CXCR5: variants seen among roughly 807,000 people sequenced by gnomAD.
CXCR5 encodes C-X-C motif chemokine receptor 5.
A neutral mutation model predicts 5.6 loss-of-function variants in CXCR5; 3 were observed. The observed-to-expected ratio is 0.54, with a 90% CI of 0.24 to 1.39. The LOEUF is 1.39. CXCR5 is among the 40% of genes most tolerant of loss of function. The pLI is 0.16. For synonymous variants in CXCR5, 218 were observed against 219.9 expected (o/e 0.99, Z 0.08); for missense variants, 333 against 494.6 (o/e 0.67, Z 3.10).
At chr11:118,885,194 G>A (rs1412490199) in intron 1 of CXCR5, among the ~76,000 whole-genome samples, 2 of 152,178 alleles carry the variant, frequency 1.3e-5, no homozygotes, top group African/African-American at 4.8e-5. Flanking sequence ...GAGAAAGTGG[G>A]CAGAAGGGCT....
rs1939854069 is a variant in CXCR5 at position 118,893,925 on chromosome 11, C to T, written c.381C>T (p.Ala127=). ...LGTFLCKTVI[A]LHKVNFYCSS... ...CCTTCCTCTGCAAAACTGTGATTGC[C>T]CTGCACAAAGTCAACTTCTACTGCA... The change falls in exon 2 of 2, where the codon GCC becomes GCT. Residue 127 remains alanine (A), a synonymous_variant. Coordinates refer to ENST00000292174, the MANE Select transcript of CXCR5 (RefSeq NM_001716.5). The surrounding 1 kb of genome is among the most constrained non-coding windows in gnomAD (Gnocchi z 5.7). 3 of 1,613,918 alleles carry T rather than the reference C, an allele frequency of 1.9e-6. No individual in the cohort carries two copies. The highest frequency in any genetic ancestry group is 2.2e-5 in the South Asian group (2 of 91,086).
chr11:118,892,530 G>T (rs747272973), intron 1 of CXCR5, among the ~76,000 whole-genome samples: 2 of 152,068 alleles, frequency 1.3e-5, no homozygotes, highest in Admixed American at 6.5e-5. Flanking sequence ...GAGGGGCTTG[G>T]GTAGGGAGGG....
chr11:118,887,239 G>A (rs1202143892), intron 1 of CXCR5: 5 of 985,304 alleles, frequency 5.1e-6, no homozygotes, highest in Non-Finnish European at 6.0e-6. Context: ...CAGAAACAGT[G>A]GCCGCATATG....
intron 1 of CXCR5, among the ~76,000 whole-genome samples, chr11:118,889,924 A>G (rs973060352): frequency 6.6e-6 from 1 of 152,204 alleles, no homozygotes; most frequent in African/African-American, 2.4e-5. Context: ...CCAGAAACCC[A>G]GGGCTTTCTG....
chr11:118,892,043 A>G (rs1939818572), intron 1 of CXCR5, among the ~76,000 whole-genome samples: 1 of 152,154 alleles, frequency 6.6e-6, no homozygotes, highest in Non-Finnish European at 1.5e-5. Flanking sequence ...CAGGAGGTGG[A>G]CAGGAGTAGA....
chr11:118,887,887 C>T (rs1939740086), intron 1 of CXCR5: 1 of 152,380 alleles, frequency 6.6e-6, no homozygotes, highest in South Asian at 2.1e-4. Context: ...TGTGCAGACA[C>T]CTCCCGCGGC....
Position 118,894,374 on chromosome 11 carries a change from T to C in CXCR5, c.830T>C (p.Ile277Thr). 2 of 1,614,166 alleles carry C rather than the reference T, an allele frequency of 1.2e-6. No homozygotes were observed. Among genetic ancestry groups the C allele is most frequent in the South Asian group, 1.1e-5 (1 of 91,092 alleles). Residue 277 changes from isoleucine to threonine, a missense_variant, in exon 2 of 2, where the codon ATC (isoleucine) becomes ACC (threonine). Transcript: ENST00000292174. The surrounding 1 kb of genome is among the most constrained non-coding windows in gnomAD (Gnocchi z 6.1). The part of the protein sequence containing the change: ...IFFLCWSPYH[I>T]VIFLDTLARL... ...TTCCTCTGCTGGTCACCCTACCACA[T>C]CGTCATCTTCCTGGACACCCTGGCG...
At chr11:118,892,686 A>C in intron 1 of CXCR5, among the ~76,000 whole-genome samples, 1 of 144,106 alleles carries the variant, frequency 6.9e-6, no homozygotes, top group East Asian at 2.0e-4. Flanking sequence ...GGTGATGGGG[A>C]GAGGAAGAGG....
chr11:118,893,402 G>A lies in CXCR5; in HGVS notation c.52-194G>A. ...CCTTCATCAGCACCACCACTCTAAGGAATGCGGTCCCTTTGACAGGCGAAA... is the reference window on the plus strand; with the variant it reads ...CCTTCATCAGCACCACCACTCTAAGAAATGCGGTCCCTTTGACAGGCGAAA... On this transcript the variant is annotated intron_variant, in intron 1 of 1. Transcript: ENST00000292174. The surrounding 1 kb of genome is among the most constrained non-coding windows in gnomAD (Gnocchi z 5.7). The A allele has an allele frequency of 1.0e-6, 1 of 985,424 alleles. No homozygotes were observed. 61.0% of individuals were successfully genotyped at this position (985,424 alleles called of 1,614,324 possible). A position where few individuals can be genotyped will look rare whatever the true frequency, so the allele number is the denominator to read the frequency against.
At chr11:118,892,730 C>T (rs777205919) in intron 1 of CXCR5, among the ~76,000 whole-genome samples, 8 of 151,914 alleles carry the variant, frequency 5.3e-5, no homozygotes, top group Non-Finnish European at 2.9e-5. Context: ...GGAGACATCA[C>T]GGGCACACCC....
In CXCR5 at chr11:118,894,624, C is replaced by T. The variant is rs770487839; in HGVS notation, c.1080C>T (p.Leu360=). 9 of 1,514,250 alleles carry T rather than the reference C, an allele frequency of 5.9e-6. No individual in the cohort carries two copies. The highest frequency in any genetic ancestry group is 2.8e-5 in the African/African-American group (2 of 71,618). 93.8% of individuals were successfully genotyped at this position (1,514,250 alleles called of 1,614,324 possible). ...TCCCTAGCTGGCGCAGGAGCAGTCT[C>T]TCTGAGTCAGAGAATGCCACCTCTC... The part of the protein sequence containing the change: ...QLFPSWRRSS[L]SESENATSLT... The change falls in exon 2 of 2, where the codon CTC becomes CTT. Residue 360 remains leucine, a synonymous_variant. Transcript: ENST00000292174. This position sits in a 1 kb window ranked among gnomAD's most constrained non-coding sequence, Gnocchi z 6.1.
rs140701663 is a variant in CXCR5, at chr11:118,893,826, C to T, written c.282C>T (p.Ala94=). ...SSTETFLFHL[A]VADLLLVFIL... Reference sequence around the variant, plus strand: ...CGGAGACCTTCCTGTTCCACCTGGCCGTGGCCGACCTCCTGCTGGTCTTCA... The same window carrying T: ...CGGAGACCTTCCTGTTCCACCTGGCTGTGGCCGACCTCCTGCTGGTCTTCA... Residue 94 remains alanine (A), a synonymous_variant, in exon 2 of 2, where the codon GCC becomes GCT. Transcript: ENST00000292174. The surrounding 1 kb of genome is among the most constrained non-coding windows in gnomAD (Gnocchi z 5.7). 63 of 1,613,998 alleles carry T rather than the reference C, an allele frequency of 3.9e-5. No individual in the cohort carries two copies. The highest frequency in any genetic ancestry group is 8.8e-5 in the South Asian group (8 of 91,092).
intron 1 of CXCR5, chr11:118,886,084 A>T: frequency 6.2e-6 from 2 of 322,122 alleles, no homozygotes; most frequent in Non-Finnish European, 1.2e-5. Flanking sequence ...GTCACAGTAC[A>T]AAAACCTCGG....
At position 118,893,561 on chromosome 11, in the gene CXCR5, T is replaced by TAGGTCCTC; in HGVS notation, c.52-33_52-26dup. 6.5e-7 allele frequency: 1 copy of TAGGTCCTC among 1,536,360 alleles called. No individual in the cohort carries two copies. Among genetic ancestry groups the TAGGTCCTC allele is most frequent in the Non-Finnish European group, 8.8e-7 (1 of 1,138,870 alleles). ...CTCTCAGAGAGGAAAGACAGGTCCT[T>TAGGTCCTC]AGGTCCTCACCCTCCCGTCTCCTTG... is the stretch of plus-strand genomic sequence containing the variant. On this transcript the variant is annotated intron_variant, in intron 1 of 1. Transcript: ENST00000292174. This position sits in a 1 kb window ranked among gnomAD's most constrained non-coding sequence, Gnocchi z 5.7.
At chr11:118,884,473 T>G (rs1939679328) in intron 1 of CXCR5, among the ~76,000 whole-genome samples, 1 of 152,072 alleles carries the variant, frequency 6.6e-6, no homozygotes. Flanking sequence ...GTGGAGAAGT[T>G]GAGGACCTGG....
At chr11:118,892,456 C>T (rs557035109) in intron 1 of CXCR5, among the ~76,000 whole-genome samples, 1 of 147,304 alleles carries the variant, frequency 6.8e-6, no homozygotes, top group Non-Finnish European at 1.5e-5. Context: ...CTGGGTTCAT[C>T]ATTTATAGTA....
rs1300476120 is a variant in CXCR5, at chr11:118,895,404, T to C, written c.*741T>C. The C allele has an allele frequency of 6.0e-6, 1 of 166,956 alleles. No homozygotes were observed. Among genetic ancestry groups the C allele is most frequent in the East Asian group, 1.9e-4 (1 of 5,168 alleles). The allele number at this position is 166,956 out of a possible 1,614,324, so 10.3% of individuals were successfully genotyped here. A position where few individuals can be genotyped will look rare whatever the true frequency, so the allele number is the denominator to read the frequency against. The stretch of plus-strand genomic sequence containing the variant: ...GGCCAGCCAGTGACCTGAGGAAGCG[T>C]GAAGGCCGAGAAGCAAGAAAGAAAC... On this transcript the variant is annotated 3_prime_UTR_variant, in exon 2 of 2. Coordinates refer to ENST00000292174, the MANE Select transcript of CXCR5 (RefSeq NM_001716.5). The surrounding 1 kb of genome is among the most constrained non-coding windows in gnomAD (Gnocchi z 4.2).
rs2137648717 is a variant in CXCR5 at position 118,884,066 on chromosome 11, G to A, written c.51+74G>A. ...CTAACATCCTTTGCCAGAGTCCGAGGGAGAGGGGACAGTGTGGGAATCCTC... is the reference window on the plus strand; with the variant it reads ...CTAACATCCTTTGCCAGAGTCCGAGAGAGAGGGGACAGTGTGGGAATCCTC... On this transcript the variant is annotated intron_variant, in intron 1 of 1. Transcript: ENST00000292174. 5 of 1,457,576 alleles carry A rather than the reference G, an allele frequency of 3.4e-6. No homozygotes were observed. In the Middle Eastern group the frequency reaches 5.2e-4, roughly 152 times the overall value. 90.3% of individuals were successfully genotyped at this position (1,457,576 alleles called of 1,614,324 possible). A position where few individuals can be genotyped will look rare whatever the true frequency, so the allele number is the denominator to read the frequency against.
intron 1 of CXCR5, among the ~76,000 whole-genome samples, chr11:118,888,804 G>A (rs919541654): frequency 6.6e-6 from 1 of 152,204 alleles, no homozygotes; most frequent in African/African-American, 2.4e-5. Flanking sequence ...TTGCCTGAGA[G>A]TGCCCCCAAA....
Sources: gnomAD v4.1 joint callset for allele counts (sites outside exome capture counted in the v4.1 genomes callset) on GRCh38, gnomAD v4.1.1 for gene constraint, Gnocchi (gnomAD v3.1) non-coding constraint, MANE v1.5 for transcripts, NCBI Gene and HGNC (gene_info 2026-07-23, HGNC 2026-07-21) for gene names.